Variants in ZNF567 observed in about 807,000 individuals in gnomAD.
The protein encoded by ZNF567 is zinc finger protein 567.
ZNF567 carries 36 observed loss-of-function variants against 53.9 expected under a neutral mutation model. The ratio of observed to expected loss-of-function variants is 0.67; its 90% CI spans 0.51 to 0.88. The LOEUF (loss-of-function observed/expected upper bound fraction) is 0.88, where lower values mean the gene tolerates loss of function less well. ZNF567 is among the 40% of genes least tolerant of loss of function. The probability of loss-of-function intolerance (pLI) is 0.00; values close to 1 mark genes in which losing one functional copy is unlikely to be tolerated. For missense variants in ZNF567, 619 were observed against 764.7 expected (o/e 0.81, Z 2.25); for synonymous variants, 224 against 260.4 (o/e 0.86, Z 1.35).
rs181273132 is a variant in ZNF567 at position 36,714,001 on chromosome 19, A to G, written c.223+1134A>G. On this transcript the variant is annotated intron_variant, in intron 5 of 5. Transcript: ENST00000682579. ...TACATTCTTTCCTAGTTTGCTTCATATTATCAAAAACAACTGCCACTCTGA... is the reference window on the plus strand; with the variant it reads ...TACATTCTTTCCTAGTTTGCTTCATGTTATCAAAAACAACTGCCACTCTGA... Among the ~76,000 whole-genome samples the G allele has an allele frequency of 2.2e-4, 33 of 152,282 alleles. No homozygotes were observed. In the East Asian group the frequency reaches 6.0e-3, roughly 28 times the overall value.
chr19:36,714,668 A>G (rs1285890697), intron 5 of ZNF567, among the ~76,000 whole-genome samples: 1 of 152,202 alleles, frequency 6.6e-6, no homozygotes, highest in African/African-American at 2.4e-5. Context: ...GATAAAGTCA[A>G]AGTTGCCATT....
chr19:36,689,097 T>C (rs1460531993), intron 1 of ZNF567, among the ~76,000 whole-genome samples: 1 of 152,068 alleles, frequency 6.6e-6, no homozygotes, highest in East Asian at 1.9e-4. Flanking sequence ...ACTCCGTCCC[T>C]TCCCTTCCAA....
intron 1 of ZNF567, among the ~76,000 whole-genome samples, chr19:36,688,277 G>T (rs1039692989): frequency 1.3e-5 from 2 of 152,166 alleles, no homozygotes; most frequent in Non-Finnish European, 1.5e-5. Context: ...AATTTTAAAA[G>T]TATTTGGTGT....
chr19:36,685,066 T>C (rs1320845021), upstream of ZNF567, among the ~76,000 whole-genome samples: 2 of 152,146 alleles, frequency 1.3e-5, no homozygotes, highest in Non-Finnish European at 2.9e-5. Flanking sequence ...GGCAGGCAGA[T>C]CACGTGAGGT....
chr19:36,726,642 C>T (rs1262248115), downstream of ZNF567, among the ~76,000 whole-genome samples: 1 of 152,230 alleles, frequency 6.6e-6, no homozygotes, highest in African/African-American at 2.4e-5. Flanking sequence ...ACCACAGAGG[C>T]AGGGCTGGCC....
chr19:36,702,179 T>TA (rs2039230709), intron 3 of ZNF567, among the ~76,000 whole-genome samples: 1 of 152,144 alleles, frequency 6.6e-6, no homozygotes, highest in African/African-American at 2.4e-5. Flanking sequence ...CTCCTTCACT[T>TA]ATGAAGCTTA....
At chr19:36,722,666 G>A (rs2040314456), downstream of ZNF567, among the ~76,000 whole-genome samples, 1 of 152,116 alleles carries the variant, frequency 6.6e-6, no homozygotes, top group African/African-American at 2.4e-5. Flanking sequence ...GATGGTTCAG[G>A]GTTCAAATAT....
At chr19:36,704,169 G>A (rs1323792652) in intron 3 of ZNF567, among the ~76,000 whole-genome samples, 1 of 152,194 alleles carries the variant, frequency 6.6e-6, no homozygotes. Context: ...GCCAGGTGTG[G>A]TGGCTCATGC....
intron 5 of ZNF567, among the ~76,000 whole-genome samples, chr19:36,715,361 A>C (rs906030111): frequency 2.5e-4 from 38 of 150,570 alleles, no homozygotes; most frequent in African/African-American, 9.3e-4. Flanking sequence ...GGGTTTCACC[A>C]TGTTGGCCAG....
At chr19:36,677,636 G>A in the ZNF567 span, among the ~76,000 whole-genome samples, 1 of 151,392 alleles carries the variant, frequency 6.6e-6, no homozygotes, top group Non-Finnish European at 1.5e-5. Context: ...GCATGGTGGT[G>A]CGCGCCTGTA....
chr19:36,695,412 C>A (rs2038833434), intron 3 of ZNF567, among the ~76,000 whole-genome samples: 1 of 151,858 alleles, frequency 6.6e-6, no homozygotes, highest in Non-Finnish European at 1.5e-5. Flanking sequence ...GCCTGTAATC[C>A]CAGCCAGTTG....
intron 5 of ZNF567, among the ~76,000 whole-genome samples, chr19:36,713,823 G>A (rs957500130): frequency 5.3e-5 from 8 of 151,822 alleles, no homozygotes; most frequent in Admixed American, 3.9e-4. Context: ...TAATCCCAGC[G>A]ACTCAGGAGG....
Position 36,720,147 on chromosome 19 carries a change from A to T in ZNF567, c.1423A>T (p.Lys475Ter). ...VAHQRTHTGE[K>*]SYECPHCGKA... is the part of the protein sequence containing the mutation. Reference sequence around the variant, plus strand: ...ACATCAGAGAACACATACAGGGGAGAAATCTTATGAATGTCCTCACTGTGG... The same window carrying T: ...ACATCAGAGAACACATACAGGGGAGTAATCTTATGAATGTCCTCACTGTGG... The change falls in exon 6 of 6, where the codon AAA becomes TAA. Residue 475 changes from lysine (K) to a stop codon, truncating the protein, a stop_gained. Transcript: ENST00000682579. LOFTEE classifies it high-confidence loss of function. The T allele has an allele frequency of 6.2e-7, 1 of 1,614,014 alleles. No homozygotes were observed. The highest frequency in any genetic ancestry group is 8.5e-7 in the Non-Finnish European group (1 of 1,180,002).
At chr19:36,704,598 T>C (rs1185546274) in intron 3 of ZNF567, among the ~76,000 whole-genome samples, 1 of 152,162 alleles carries the variant, frequency 6.6e-6, no homozygotes, top group African/African-American at 2.4e-5. Context: ...TATATATTGT[T>C]TTATATATTA....
intron 3 of ZNF567, among the ~76,000 whole-genome samples, chr19:36,699,374 C>T (rs1294055045): frequency 6.6e-6 from 1 of 152,162 alleles, no homozygotes; most frequent in Non-Finnish European, 1.5e-5. Flanking sequence ...CAGCTTTGTT[C>T]TTTCGGCTTA....
chr19:36,718,498 CA>C (rs67937730), intron 5 of ZNF567, among the ~76,000 whole-genome samples: 5 of 150,254 alleles, frequency 3.3e-5, no homozygotes, highest in African/African-American at 4.9e-5. Context: ...GACTTTGTCT[CA>C]AAAAAAAATA....
At chr19:36,673,565 A>C in the ZNF567 span, among the ~76,000 whole-genome samples, 1 of 152,178 alleles carries the variant, frequency 6.6e-6, no homozygotes, top group African/African-American at 2.4e-5. Flanking sequence ...TTCGAATCAC[A>C]ACTGTTTTCT....
At chr19:36,689,913 C>T (rs997040062) in intron 2 of ZNF567, among the ~76,000 whole-genome samples, 18 of 152,124 alleles carry the variant, frequency 1.2e-4, no homozygotes, top group Admixed American at 1.2e-3. Context: ...ATAACAGTCT[C>T]TTAAAAATAC....
chr19:36,715,307 C>T (rs1324449159), intron 5 of ZNF567, among the ~76,000 whole-genome samples: 1 of 149,410 alleles, frequency 6.7e-6, no homozygotes, highest in African/African-American at 2.5e-5. Context: ...ATTACAGGTG[C>T]CCACCACCAT....
Sources: gnomAD v4.1 joint callset for allele counts (sites outside exome capture counted in the v4.1 genomes callset) on GRCh38, gnomAD v4.1.1 for gene constraint, MANE v1.5 for transcripts, NCBI Gene and HGNC (gene_info 2026-07-23, HGNC 2026-07-21) for gene names.